NCAM1: variants seen among roughly 807,000 people sequenced by gnomAD.
NCAM1 encodes antigen recognized by monoclonal antibody 5.1H11.
In NCAM1, 14 loss-of-function variants were observed where a neutral mutation model predicts 109.8. The ratio of observed to expected loss-of-function variants is 0.13; its 90% CI spans 0.08 to 0.20. The LOEUF is 0.20. Ranked by LOEUF, NCAM1 falls within the 10% of genes least tolerant of loss-of-function variation. The probability of loss-of-function intolerance (pLI) is 1.00; values close to 1 mark genes in which losing one functional copy is unlikely to be tolerated. For missense variants in NCAM1, 774 were observed against 1,109.9 expected, an observed-to-expected ratio of 0.70 and a Z score of 4.30; for synonymous variants, 418 against 442.9, an observed-to-expected ratio of 0.94 and a Z score of 0.70.
chr11:113,216,128 G>T (rs1050327812), intron 8 of NCAM1, among the ~76,000 whole-genome samples: 1 of 150,804 alleles, frequency 6.6e-6, no homozygotes, highest in African/African-American at 2.4e-5. Context: ...GGCACTTCTG[G>T]CTTGTAGCTA....
intron 1 of NCAM1, among the ~76,000 whole-genome samples, chr11:113,009,513 G>C (rs1951989097): frequency 6.6e-6 from 1 of 151,536 alleles, no homozygotes; most frequent in Non-Finnish European, 1.5e-5. Flanking sequence ...TGTAGAGCTG[G>C]GTTCTCACCC....
At chr11:113,008,828 T>C (rs1951957345) in intron 1 of NCAM1, among the ~76,000 whole-genome samples, 1 of 152,248 alleles carries the variant, frequency 6.6e-6, no homozygotes, top group Non-Finnish European at 1.5e-5. Flanking sequence ...CTTACTGCTC[T>C]TCCTTAAACT....
intron 1 of NCAM1, among the ~76,000 whole-genome samples, chr11:112,992,139 C>T (rs1014740784): frequency 5.3e-5 from 8 of 152,254 alleles, no homozygotes; most frequent in African/African-American, 1.9e-4. Flanking sequence ...TGCTTCCTCC[C>T]AAGGTTTCCT....
chr11:113,179,963 TA>T (rs1555107700), intron 1 of NCAM1, among the ~76,000 whole-genome samples: 1 of 152,178 alleles, frequency 6.6e-6, no homozygotes, highest in East Asian at 1.9e-4. Context: ...ATGATTTTGT[TA>T]ATGTAGAAAC....
At chr11:113,104,014 A>G (rs1940009371) in intron 1 of NCAM1, among the ~76,000 whole-genome samples, 1 of 151,632 alleles carries the variant, frequency 6.6e-6, no homozygotes, top group Admixed American at 6.6e-5. Flanking sequence ...CAGCTGGGAA[A>G]CCCTGGGTTG....
chr11:113,159,019 G>A (rs1185266838), intron 1 of NCAM1, among the ~76,000 whole-genome samples: 2 of 152,108 alleles, frequency 1.3e-5, no homozygotes, highest in African/African-American at 2.4e-5. Flanking sequence ...CAAGTAAAAC[G>A]TAAAGCTCAG....
At chr11:113,056,379 A>G (rs1953715001) in intron 1 of NCAM1, among the ~76,000 whole-genome samples, 1 of 152,110 alleles carries the variant, frequency 6.6e-6, no homozygotes, top group South Asian at 2.1e-4. Context: ...CAAAATAGCT[A>G]TAAGAGATGA....
chr11:113,148,360 C>CT (rs34102949), intron 1 of NCAM1, among the ~76,000 whole-genome samples: 111,689 of 141,298 alleles, frequency 0.79, 44,526 homozygotes, highest in Middle Eastern at 0.91. Flanking sequence ...GTTTGCGGAG[C>CT]TTTTTTTTTT....
At chr11:113,254,098 A>T (rs1223158307) in intron 15 of NCAM1, among the ~76,000 whole-genome samples, 2 of 152,192 alleles carry the variant, frequency 1.3e-5, no homozygotes, top group East Asian at 3.9e-4. Context: ...TTAGCACTGG[A>T]TATCTATAAT....
chr11:113,195,719 G>C (rs923050322), intron 1 of NCAM1, among the ~76,000 whole-genome samples: 5 of 151,776 alleles, frequency 3.3e-5, no homozygotes, highest in Middle Eastern at 3.4e-3. Context: ...TGTTAGCCAG[G>C]ATGGTCTCGA....
At chr11:113,066,455 G>C (rs1448243901) in intron 1 of NCAM1, among the ~76,000 whole-genome samples, 1 of 152,084 alleles carries the variant, frequency 6.6e-6, no homozygotes, top group African/African-American at 2.4e-5. Flanking sequence ...GGTAGAAAAG[G>C]TAAAAAGGCC....
intron 1 of NCAM1, among the ~76,000 whole-genome samples, chr11:113,068,795 G>T (rs782192465): frequency 6.6e-6 from 1 of 152,042 alleles, no homozygotes; most frequent in Non-Finnish European, 1.5e-5. Context: ...TAGAGGTGCG[G>T]TTTAGTCTAT....
At chr11:113,253,996 T>C (rs17115275) in intron 15 of NCAM1, among the ~76,000 whole-genome samples, 12,138 of 152,228 alleles carry the variant, frequency 0.08, 634 homozygotes, top group East Asian at 0.15. Context: ...ATTTGTAAAG[T>C]TCTCCTGTGT....
chr11:113,149,915 T>G (rs1169495522), intron 1 of NCAM1, among the ~76,000 whole-genome samples: 1 of 152,172 alleles, frequency 6.6e-6, no homozygotes, highest in Non-Finnish European at 1.5e-5. Context: ...ATTCTTATAG[T>G]AGATGTGGGA....
chr11:112,991,753 CAT>C (rs1430322742), intron 1 of NCAM1, among the ~76,000 whole-genome samples: 12 of 152,098 alleles, frequency 7.9e-5, no homozygotes, highest in Non-Finnish European at 1.6e-4. Flanking sequence ...TAATTTTAGA[CAT>C]ATTTTGTACT....
intron 1 of NCAM1, among the ~76,000 whole-genome samples, chr11:113,195,495 ATTTTTT>A (rs561856662): frequency 3.5e-5 from 3 of 85,582 alleles, no homozygotes; most frequent in Non-Finnish European, 6.1e-5. Context: ...CCCTTAGTAG[ATTTTTT>A]TTTTTTTTTT....
intron 1 of NCAM1, among the ~76,000 whole-genome samples, chr11:113,045,516 T>G (rs1953234398): frequency 6.6e-6 from 1 of 152,140 alleles, no homozygotes. Flanking sequence ...GGAACCACAT[T>G]CGCGAGCTTG....
chr11:113,039,169 A>G (rs1251245510), intron 1 of NCAM1, among the ~76,000 whole-genome samples: 7 of 152,210 alleles, frequency 4.6e-5, no homozygotes, highest in African/African-American at 1.7e-4. Context: ...AATAATAATT[A>G]ATGCATTATG....
At chr11:113,253,943 T>C (rs1945767253) in intron 15 of NCAM1, among the ~76,000 whole-genome samples, 2 of 152,240 alleles carry the variant, frequency 1.3e-5, no homozygotes, top group Admixed American at 1.3e-4. Context: ...TCTTCCAGAC[T>C]AACCGGGATG....
Sources: gnomAD v4.1 joint callset for allele counts (sites outside exome capture counted in the v4.1 genomes callset) on GRCh38, gnomAD v4.1.1 for gene constraint, MANE v1.5 for transcripts, NCBI Gene and HGNC (gene_info 2026-07-23, HGNC 2026-07-21) for gene names.